PCDHGA6: variants seen among roughly 807,000 people sequenced by gnomAD.
PCDHGA6 encodes the protein protocadherin gamma subfamily A, 6.
Under a neutral mutation model 60.6 loss-of-function variants are expected in PCDHGA6, and 41 were observed. That is an observed-to-expected ratio of 0.68 (90% CI 0.53 to 0.88). PCDHGA6 has a LOEUF of 0.88. Ranked by LOEUF, PCDHGA6 falls within the 40% of genes least tolerant of loss-of-function variation. The pLI is 0.00. For missense variants in PCDHGA6, 1,312 were observed against 1,203.0 expected, an observed-to-expected ratio of 1.09 and a Z score of -1.34; for synonymous variants, 594 against 524.4, an observed-to-expected ratio of 1.13 and a Z score of -1.81.
In PCDHGA6 at chr5:141,375,160, T is replaced by G. The variant is rs373409677; in HGVS notation, c.1077T>G (p.Ser359Arg). The change falls in exon 1 of 4, where the codon AGT (serine) becomes AGG (arginine). Residue 359 changes from serine (S) to arginine (R), a missense_variant. Ser to Arg is a moderately radical substitution (Grantham distance 110). Coordinates refer to ENST00000517434, the MANE Select transcript of PCDHGA6 (RefSeq NM_018919.3). Reference protein sequence around the residue: ...VTSGSRTIAESAPPGTVIALF... With the variant: ...VTSGSRTIAERAPPGTVIALF... ...CTGGAAGCAGAACAATTGCTGAAAG[T>G]GCACCTCCAGGAACAGTAATCGCCC... 6.2e-7 allele frequency: 1 copy of G among 1,613,854 alleles called. No individual in the cohort carries two copies. The highest frequency in any genetic ancestry group is 1.3e-5 in the African/African-American group (1 of 74,934).
rs368792885 is a variant in PCDHGA6, at chr5:141,394,552, G to A, written c.2424+18045G>A. 7.4e-5 allele frequency: 119 copies of A among 1,613,952 alleles called. No homozygotes were observed. Among genetic ancestry groups the A allele is most frequent in the Admixed American group, 8.3e-5 (5 of 60,012 alleles). On this transcript the variant is annotated intron_variant, in intron 1 of 3. Transcript: ENST00000517434. ...TCCACTGGCGTGGAGCTGGCGCCCCGCTCCGCAGAGCGTGGCTACCTGGTG... is the reference window on the plus strand; with the variant it reads ...TCCACTGGCGTGGAGCTGGCGCCCCACTCCGCAGAGCGTGGCTACCTGGTG...
chr5:141,426,275 G>A (rs531044481), intron 1 of PCDHGA6: 2 of 164,168 alleles, frequency 1.2e-5, no homozygotes, highest in East Asian at 1.6e-4. Context: ...CTGCAGCAAC[G>A]CATGGGAAGG....
chr5:141,417,830 G>C (rs2096166388), intron 1 of PCDHGA6: 1 of 1,527,028 alleles, frequency 6.5e-7, no homozygotes, highest in African/African-American at 1.4e-5. Flanking sequence ...AACTGGAAAA[G>C]CGGGGACCCA....
chr5:141,457,422 TC>T (rs1038085994), intron 1 of PCDHGA6, among the ~76,000 whole-genome samples: 1 of 151,626 alleles, frequency 6.6e-6, no homozygotes, highest in African/African-American at 2.4e-5. Context: ...CATCCCTTTT[TC>T]CCCCCCACCA....
At chr5:141,436,425 G>A (rs2097823674) in intron 1 of PCDHGA6, among the ~76,000 whole-genome samples, 2 of 152,268 alleles carry the variant, frequency 1.3e-5, no homozygotes, top group Non-Finnish European at 2.9e-5. Context: ...AACAAATAAT[G>A]TACTCTGGGG....
intron 1 of PCDHGA6, among the ~76,000 whole-genome samples, chr5:141,467,772 C>A (rs972304213): frequency 1.3e-5 from 2 of 151,686 alleles, no homozygotes; most frequent in Admixed American, 6.6e-5. Flanking sequence ...AGTGCCCGCA[C>A]CTCAGCCTCT....
At chr5:141,383,503 C>T (rs751472631) in intron 1 of PCDHGA6, 24 of 1,612,654 alleles carry the variant, frequency 1.5e-5, no homozygotes, top group East Asian at 2.2e-5. Context: ...GGTGCTGGAC[C>T]GGGAGGAAGA....
rs377061064 is a variant in PCDHGA6, at chr5:141,505,429, C to A, written c.2520C>A (p.Asn840Lys). 1.2e-6 allele frequency: 2 copies of A among 1,614,116 alleles called. No homozygotes were observed. Among genetic ancestry groups the A allele is most frequent in the African/African-American group, 1.3e-5 (1 of 74,938 alleles). Residue 840 changes from asparagine (N) to lysine (K), a missense_variant, in exon 3 of 4, where the codon AAC becomes AAA. Asn to Lys is a moderately conservative substitution (Grantham distance 94, BLOSUM62 0). Coordinates refer to ENST00000517434, the MANE Select transcript of PCDHGA6 (RefSeq NM_018919.3). ...QNGDDTGTWP[N>K]NQFDTEMLQA... ...GCGATGACACCGGCACCTGGCCCAA[C>A]AACCAGTTTGACACAGAGATGCTGC...
At chr5:141,418,045 G>A (rs754041387) in intron 1 of PCDHGA6, 2 of 1,614,002 alleles carry the variant, frequency 1.2e-6, no homozygotes, top group East Asian at 2.2e-5. Flanking sequence ...TGGATGTGTC[G>A]GCTCGCGAGC....
intron 3 of PCDHGA6, 126 bp downstream of exon 3, chr5:141,505,607 T>A: frequency 6.5e-7 from 1 of 1,528,684 alleles, no homozygotes. Flanking sequence ...TCGGCAGGTC[T>A]GAAAGGACCC....
In PCDHGA6 at chr5:141,432,399, C is replaced by T. The variant is rs2097496727; in HGVS notation, c.2424+55892C>T. ...CACCCGCCCCTCAGCAGCAACGTGT[C>T]GTTGAGCCTGTTCGTGCTGGACCAG... is the stretch of plus-strand genomic sequence containing the variant. On this transcript the variant is annotated intron_variant, in intron 1 of 3. Coordinates refer to ENST00000517434, the MANE Select transcript of PCDHGA6 (RefSeq NM_018919.3). This position sits in a 1 kb window ranked among gnomAD's most constrained non-coding sequence, Gnocchi z 6.0. 1.2e-6 allele frequency: 2 copies of T among 1,614,240 alleles called. No homozygotes were observed. Among genetic ancestry groups the T allele is most frequent in the Non-Finnish European group, 1.7e-6 (2 of 1,180,040 alleles).
chr5:141,415,278 G>A (rs768587119), intron 1 of PCDHGA6: 4 of 1,614,212 alleles, frequency 2.5e-6, no homozygotes, highest in Non-Finnish European at 3.4e-6. Flanking sequence ...TGGTAGCGGT[G>A]GCCGCGGTCT....
chr5:141,404,828 G>T, intron 1 of PCDHGA6: 1 of 1,609,938 alleles, frequency 6.2e-7, no homozygotes, highest in Non-Finnish European at 8.5e-7. Flanking sequence ...CACAGGTGAA[G>T]TGCGCACAGC....
At chr5:141,413,626 G>T (rs757785567) in intron 1 of PCDHGA6, 24 of 1,613,680 alleles carry the variant, frequency 1.5e-5, no homozygotes, top group Non-Finnish European at 1.7e-5. Context: ...TGAAAATGTC[G>T]CTGCGGGAAT....
chr5:141,478,221 C>A, intron 1 of PCDHGA6: 1 of 1,614,122 alleles, frequency 6.2e-7, no homozygotes, highest in Non-Finnish European at 8.5e-7. Context: ...ATCCTGGTTT[C>A]TGTGGGGTTT....
At chr5:141,423,277 A>G (rs749771302) in intron 1 of PCDHGA6, 4 of 1,613,988 alleles carry the variant, frequency 2.5e-6, no homozygotes, top group Non-Finnish European at 8.5e-7. Flanking sequence ...GTCTCTGGCT[A>G]ACTCTGAAAC....
intron 1 of PCDHGA6, chr5:141,388,752 T>C: frequency 6.2e-7 from 1 of 1,614,002 alleles, no homozygotes; most frequent in East Asian, 2.2e-5. Context: ...GATCACCCAA[T>C]TTGACCTGAA....
chr5:141,504,242 GTTC>G (rs903218038), intron 2 of PCDHGA6, among the ~76,000 whole-genome samples: 25 of 152,170 alleles, frequency 1.6e-4, no homozygotes, highest in African/African-American at 5.1e-4. Context: ...GAAGCAGAGA[GTTC>G]TTCTTATGGT....
At chr5:141,382,896 G>C (rs754850386) in intron 1 of PCDHGA6, 13 of 1,537,678 alleles carry the variant, frequency 8.5e-6, no homozygotes, top group Non-Finnish European at 1.1e-5. Context: ...GAAGCAGGAC[G>C]ACTATGGCGG....
Sources: allele counts gnomAD v4.1 joint callset (sites outside exome capture counted in the v4.1 genomes callset), GRCh38; gene constraint gnomAD v4.1.1; non-coding constraint Gnocchi (gnomAD v3.1); transcripts MANE v1.5; gene names NCBI Gene and HGNC (gene_info 2026-07-23, HGNC 2026-07-21).